Variants in CAST observed in about 807,000 individuals in gnomAD.
CAST encodes MIR583 host.
A neutral mutation model predicts 119.6 loss-of-function variants in CAST; 76 were observed. The observed-to-expected ratio is 0.64, with a 90% confidence interval of 0.53 to 0.77. The LOEUF (loss-of-function observed/expected upper bound fraction) is 0.77. Ranked by LOEUF, CAST falls within the 30% of genes least tolerant of loss-of-function variation. The pLI, the probability that CAST is intolerant of heterozygous loss-of-function variation, is 0.00. For missense variants in CAST, 953 were observed against 946.5 expected, an observed-to-expected ratio of 1.01 and a Z score of -0.09; for synonymous variants, 319 against 331.6, an observed-to-expected ratio of 0.96 and a Z score of 0.41.
intron 1 of CAST, among the ~76,000 whole-genome samples, chr5:96,533,164 C>T (rs188164351): frequency 1.7e-4 from 26 of 152,248 alleles, no homozygotes; most frequent in African/African-American, 5.8e-4. Flanking sequence ...CCATGTTCAG[C>T]TAACCCTTCA....
In CAST at chr5:96,675,732, G is replaced by A. The variant is rs1750625234; in HGVS notation, c.138+131G>A. The A allele has an allele frequency of 6.2e-6, 4 of 644,646 alleles. No individual in the cohort carries two copies. In the East Asian group the frequency reaches 1.1e-4, roughly 18 times the overall value. The allele number at this position is 644,646 out of a possible 1,614,324, so 39.9% of individuals were successfully genotyped here. ...TATTGGGAAATTTTGATTTAACCAA[G>A]ATTTGGTTCAAGAATATAAAAGGAA... On this transcript the variant is annotated intron_variant, in intron 2 of 31. Coordinates refer to ENST00000675179, the MANE Select transcript of CAST (RefSeq NM_001750.7).
the CAST span, among the ~76,000 whole-genome samples, chr5:96,146,932 G>A: frequency 6.6e-6 from 1 of 152,134 alleles, no homozygotes; most frequent in Non-Finnish European, 1.5e-5. Flanking sequence ...GAAGTGACAC[G>A]GTTACTTTGT....
At chr5:96,351,696 GA>G in the CAST span, among the ~76,000 whole-genome samples, 11 of 150,370 alleles carry the variant, frequency 7.3e-5, 1 homozygote, top group African/African-American at 2.8e-4. Flanking sequence ...TGGGTGTAAT[GA>G]GAAAAAACTG....
the CAST span, among the ~76,000 whole-genome samples, chr5:96,139,324 AC>A: frequency 6.6e-6 from 1 of 151,552 alleles, no homozygotes; most frequent in Non-Finnish European, 1.5e-5. Flanking sequence ...AATGCCTAAG[AC>A]TTCCTAGTGT....
Position 96,583,578 on chromosome 5 carries a change from C to A in CAST, c.60+53698C>A, listed in dbSNP as rs116210384. On this transcript the variant is annotated intron_variant, in intron 1 of 11. Transcript: ENST00000505143. ...GACACTATCAGGCTCTGGTAAGGAC[C>A]AATGGACTCAATATATGTAAAATGT... is the stretch of plus-strand genomic sequence containing the variant. Among the ~76,000 whole-genome samples the A allele has an allele frequency of 4.4e-3, 665 of 152,192 alleles. 4 individuals are homozygous for A. The highest frequency in any genetic ancestry group is 0.015 in the African/African-American group (633 of 41,516).
chr5:96,485,912 G>T, the CAST span, among the ~76,000 whole-genome samples: 1 of 152,054 alleles, frequency 6.6e-6, no homozygotes. Context: ...AAAAGTTAAG[G>T]TTTTCTTTTG....
At chr5:96,090,513 G>T in the CAST span, among the ~76,000 whole-genome samples, 2 of 152,006 alleles carry the variant, frequency 1.3e-5, no homozygotes, top group Non-Finnish European at 2.9e-5. Context: ...CTTAGTTCTG[G>T]CAGCTGTTTA....
At chr5:96,421,820 CT>C in the CAST span, 1 of 940,256 alleles carries the variant, frequency 1.1e-6, no homozygotes, top group Non-Finnish European at 1.8e-6. Context: ...GTATAATTTT[CT>C]CAAACAAGAT....
At chr5:96,495,771 T>G in the CAST span, among the ~76,000 whole-genome samples, 1 of 152,236 alleles carries the variant, frequency 6.6e-6, no homozygotes, top group Admixed American at 6.5e-5. Flanking sequence ...TGTGGATCAA[T>G]TTTTGATTTG....
At chr5:96,275,663 C>T in the CAST span, among the ~76,000 whole-genome samples, 1 of 152,132 alleles carries the variant, frequency 6.6e-6, no homozygotes, top group Non-Finnish European at 1.5e-5. Flanking sequence ...TTGAAGGACA[C>T]AGGTAATTCA....
the CAST span, among the ~76,000 whole-genome samples, chr5:96,204,009 A>T: frequency 6.6e-6 from 1 of 152,066 alleles, no homozygotes; most frequent in Non-Finnish European, 1.5e-5. Context: ...GAAGGAATGG[A>T]ACAGCAGAGA....
chr5:96,180,959 C>A, the CAST span, among the ~76,000 whole-genome samples: 1 of 152,152 alleles, frequency 6.6e-6, no homozygotes, highest in East Asian at 1.9e-4. Flanking sequence ...ACAAAATGAT[C>A]AATTTATTTA....
At chr5:96,333,823 C>T in the CAST span, among the ~76,000 whole-genome samples, 2,863 of 152,200 alleles carry the variant, frequency 0.019, 29 homozygotes, top group Middle Eastern at 0.037. Context: ...AGCTGTGTGG[C>T]GTTACATGCA....
chr5:96,085,162 T>C, the CAST span, among the ~76,000 whole-genome samples: 1 of 152,110 alleles, frequency 6.6e-6, no homozygotes. Flanking sequence ...TAAAACACCA[T>C]AGATTTTTAT....
At chr5:96,326,796 G>A in the CAST span, among the ~76,000 whole-genome samples, 1 of 142,796 alleles carries the variant, frequency 7.0e-6, no homozygotes, top group East Asian at 2.1e-4. Flanking sequence ...TATGAATAGA[G>A]TTCATGATCA....
chr5:96,551,501 CTG>C (rs1189863007), intron 1 of CAST, among the ~76,000 whole-genome samples: 1 of 152,128 alleles, frequency 6.6e-6, no homozygotes, highest in Admixed American at 6.5e-5. Flanking sequence ...TATGAAGAAA[CTG>C]TATCAATTAA....
At chr5:96,673,682 A>C (rs1008429987) in intron 1 of CAST, among the ~76,000 whole-genome samples, 4 of 152,212 alleles carry the variant, frequency 2.6e-5, no homozygotes, top group African/African-American at 9.7e-5. Context: ...TAACAGAGAT[A>C]AGTAATATTT....
At chr5:96,263,550 A>C in the CAST span, among the ~76,000 whole-genome samples, 1 of 152,146 alleles carries the variant, frequency 6.6e-6, no homozygotes, top group Admixed American at 6.5e-5. Flanking sequence ...CCACAGGGGC[A>C]CAAAGAGAAA....
the CAST span, among the ~76,000 whole-genome samples, chr5:96,487,872 G>A: frequency 6.6e-6 from 1 of 152,168 alleles, no homozygotes; most frequent in Non-Finnish European, 1.5e-5. Context: ...ATAATGTTAA[G>A]CAGAGGACTG....
Sources: allele counts gnomAD v4.1 joint callset (sites outside exome capture counted in the v4.1 genomes callset), GRCh38; gene constraint gnomAD v4.1.1; transcripts MANE v1.5; gene names NCBI Gene and HGNC (gene_info 2026-07-23, HGNC 2026-07-21).